The following NFILZ variants were observed in gnomAD, a reference collection of about 807,000 sequenced individuals.
NFILZ encodes NFIL3 like basic leucine zipper.
intron 3 of NFILZ, among the ~76,000 whole-genome samples, chr19:8,643,656 C>T (rs976094436): frequency 6.6e-6 from 1 of 152,150 alleles, no homozygotes; most frequent in Admixed American, 6.5e-5. Context: ...CCCTGGTGCT[C>T]CTGGCTCTCA....
chr19:8,670,298 C>A (rs1355037870), intron 3 of NFILZ, among the ~76,000 whole-genome samples: 1 of 152,082 alleles, frequency 6.6e-6, no homozygotes, highest in Non-Finnish European at 1.5e-5. Context: ...GACATGGTTT[C>A]ATCATGTTGC....
In NFILZ at chr19:8,657,392, G is replaced by A. The variant is rs140813065; in HGVS notation, c.-163-17159G>A. ...GCTGGGATTACAGGCGTCAGCCACC[G>A]CGCCTGGCCTGGCGATTGCTTTTGT... On this transcript the variant is annotated intron_variant, in intron 3 of 5. Coordinates refer to ENST00000691075, the MANE Select transcript of NFILZ (RefSeq NM_001378600.1). Among the ~76,000 whole-genome samples the A allele has an allele frequency of 8.0e-3, 1,218 of 152,134 alleles. 6 individuals carry two copies. Among genetic ancestry groups the A allele is most frequent in the Non-Finnish European group, 0.013 (888 of 68,004 alleles).
intron 3 of NFILZ, among the ~76,000 whole-genome samples, chr19:8,668,769 C>T (rs2043074008): frequency 6.6e-6 from 1 of 152,052 alleles, no homozygotes; most frequent in South Asian, 2.1e-4. Flanking sequence ...AGCATTTTCC[C>T]ACCATTTCTC....
intron 3 of NFILZ, among the ~76,000 whole-genome samples, chr19:8,653,640 C>T (rs782586673): frequency 6.6e-6 from 1 of 152,092 alleles, no homozygotes; most frequent in African/African-American, 2.4e-5. Flanking sequence ...TATTATTCAG[C>T]CATGAAAAGA....
At chr19:8,672,714 AATATT>A (rs1471043368) in intron 3 of NFILZ, among the ~76,000 whole-genome samples, 3 of 146,020 alleles carry the variant, frequency 2.1e-5, no homozygotes, top group Admixed American at 1.4e-4. Context: ...TCATTCAAAA[AATATT>A]TATGCATTAA....
At chr19:8,646,931 G>A (rs1568419108) in intron 3 of NFILZ, among the ~76,000 whole-genome samples, 1 of 152,142 alleles carries the variant, frequency 6.6e-6, no homozygotes, top group African/African-American at 2.4e-5. Context: ...TGAGGCAGCT[G>A]GCCCCAGTTC....
chr19:8,647,585 C>G (rs1266814722), intron 3 of NFILZ, among the ~76,000 whole-genome samples: 12 of 148,332 alleles, frequency 8.1e-5, no homozygotes, highest in Admixed American at 4.1e-4. Flanking sequence ...CACCCCCCCC[C>G]CCAAAAAAAG....
intron 3 of NFILZ, among the ~76,000 whole-genome samples, chr19:8,663,748 G>GTGTGTGTGTGTGTGTGTGTGTATGTGTA (rs2043046859): frequency 7.2e-6 from 1 of 139,376 alleles, no homozygotes; most frequent in Non-Finnish European, 1.5e-5. Context: ...GTGTGTGTGT[G>GTGTGTGTGTGTGTGTGTGTGTATGTGTA]TGTGTGTGTG....
In NFILZ at chr19:8,679,941, C is replaced by A. The variant is rs2043137738; in HGVS notation, c.*2306C>A. On this transcript the variant is annotated 3_prime_UTR_variant, in exon 6 of 6. Transcript: ENST00000691075. ...GGGCAAGGTGGCTCATGCCTGTAATCCTAGCACTTTGGGAGGCCAAGGCAG... is the reference window on the plus strand; with the variant it reads ...GGGCAAGGTGGCTCATGCCTGTAATACTAGCACTTTGGGAGGCCAAGGCAG... Among the ~76,000 whole-genome samples, 2 of 152,060 alleles carry A rather than the reference C, an allele frequency of 1.3e-5. No individual in the cohort carries two copies. Among genetic ancestry groups the A allele is most frequent in the South Asian group, 4.1e-4 (2 of 4,820 alleles).
intron 3 of NFILZ, among the ~76,000 whole-genome samples, chr19:8,649,612 T>C (rs1346317677): frequency 1.3e-5 from 2 of 152,046 alleles, no homozygotes; most frequent in African/African-American, 2.4e-5. Flanking sequence ...GCGCCTGTCT[T>C]GCCGGCTCTG....
intron 3 of NFILZ, among the ~76,000 whole-genome samples, chr19:8,636,349 G>A (rs2042894416): frequency 6.6e-6 from 1 of 150,856 alleles, no homozygotes; most frequent in Non-Finnish European, 1.5e-5. Flanking sequence ...TTGGGAGGCT[G>A]AGGCAGGAGA....
At chr19:8,656,405 C>T (rs2042999255) in intron 3 of NFILZ, among the ~76,000 whole-genome samples, 15 of 101,194 alleles carry the variant, frequency 1.5e-4, no homozygotes, top group African/African-American at 2.8e-4. Context: ...AGCCCACCTT[C>T]TCTCTGAAAC....
At chr19:8,672,783 T>A (rs998833264) in intron 3 of NFILZ, among the ~76,000 whole-genome samples, 2 of 152,206 alleles carry the variant, frequency 1.3e-5, no homozygotes, top group East Asian at 3.8e-4. Flanking sequence ...CAATAAATAC[T>A]TTTACAGGGC....
At chr19:8,662,437 C>T (rs781845743) in intron 3 of NFILZ, among the ~76,000 whole-genome samples, 1 of 151,880 alleles carries the variant, frequency 6.6e-6, no homozygotes, top group Non-Finnish European at 1.5e-5. Flanking sequence ...AACAGCATTC[C>T]TGGCAGAGGG....
intron 3 of NFILZ, among the ~76,000 whole-genome samples, chr19:8,646,365 T>C (rs2042939285): frequency 6.6e-6 from 1 of 152,066 alleles, no homozygotes; most frequent in African/African-American, 2.4e-5. Flanking sequence ...TAATCTCCAT[T>C]GCACAGATGA....
chr19:8,676,699 C>T (rs782672490), intron 5 of NFILZ, 52 bp from the exon 6 acceptor site: 1 of 152,276 alleles, frequency 6.6e-6, no homozygotes, highest in Non-Finnish European at 1.5e-5. Context: ...AGAAAGGGGT[C>T]ATCCAGGTCC....
At chr19:8,660,191 G>A (rs1436600633) in intron 3 of NFILZ, among the ~76,000 whole-genome samples, 2 of 152,200 alleles carry the variant, frequency 1.3e-5, no homozygotes, top group Non-Finnish European at 2.9e-5. Context: ...TGTGACCCTA[G>A]GCAAGTCGGT....
chr19:8,656,418 ACCTCTTTCCG>A (rs2042999849), intron 3 of NFILZ, among the ~76,000 whole-genome samples: 1 of 58,322 alleles, frequency 1.7e-5, no homozygotes, highest in Non-Finnish European at 3.3e-5. Context: ...TCTGAAACCC[ACCTCTTTCCG>A]CAGCCCACCT....
At chr19:8,662,723 G>A (rs2043037650) in intron 3 of NFILZ, among the ~76,000 whole-genome samples, 1 of 148,950 alleles carries the variant, frequency 6.7e-6, no homozygotes. Flanking sequence ...TGCAACCTCC[G>A]CCTCCTGGGT....
Sources: gnomAD v4.1 joint callset for allele counts (sites outside exome capture counted in the v4.1 genomes callset) on GRCh38, gnomAD v4.1.1 for gene constraint, MANE v1.5 for transcripts, NCBI Gene and HGNC (gene_info 2026-07-23, HGNC 2026-07-21) for gene names.